USP47: variants seen among roughly 807,000 people sequenced by gnomAD.
USP47 encodes the protein ubiquitin carboxyl-terminal hydrolase 47.
In USP47, 35 loss-of-function variants were observed where a neutral mutation model predicts 165.1. That is an observed-to-expected ratio of 0.21 (90% CI 0.16 to 0.28). The LOEUF (loss-of-function observed/expected upper bound fraction) is 0.28. Ranked by LOEUF, USP47 falls within the 10% of genes least tolerant of loss-of-function variation. USP47 has a pLI of 1.00. For synonymous variants in USP47, 531 were observed against 544.5 expected (o/e 0.98, Z 0.35); for missense variants, 1,277 against 1,607.4 (o/e 0.79, Z 3.52).
chr11:11,917,926 A>T (rs756206679), intron 8 of USP47, among the ~76,000 whole-genome samples: 53 of 152,188 alleles, frequency 3.5e-4, no homozygotes, highest in Non-Finnish European at 4.3e-4. Flanking sequence ...TGATTTAGGC[A>T]GGAATCTGTA....
chr11:11,960,010 CA>C lies in USP47; in HGVS notation c.*3836del, dbSNP rs1366428368. On this transcript the variant is annotated 3_prime_UTR_variant, in exon 28 of 28. Transcript: ENST00000527733. The stretch of plus-strand genomic sequence containing the variant: ...TGGAGATAAAAATACTCAATGCTTA[CA>C]TTTTTTTCATAACTGTGCCAATTGT... 6.6e-6 allele frequency among the ~76,000 whole-genome samples: 1 copy of C among 152,168 alleles called. No individual in the cohort carries two copies. Among genetic ancestry groups the C allele is most frequent in the Non-Finnish European group, 1.5e-5 (1 of 68,038 alleles).
intron 5 of USP47, among the ~76,000 whole-genome samples, chr11:11,900,294 G>A (rs181833497): frequency 6.6e-6 from 1 of 151,574 alleles, no homozygotes; most frequent in East Asian, 2.0e-4. Context: ...CCAAGTAGCT[G>A]GGACTACAGG....
intron 11 of USP47, among the ~76,000 whole-genome samples, chr11:11,927,960 T>G (rs1365547518): frequency 6.6e-6 from 1 of 152,078 alleles, no homozygotes; most frequent in Non-Finnish European, 1.5e-5. Flanking sequence ...AAAATAGATA[T>G]ATACAATTCT....
intron 1 of USP47, among the ~76,000 whole-genome samples, chr11:11,872,696 A>T (rs1232264062): frequency 2.6e-5 from 4 of 151,502 alleles, no homozygotes; most frequent in African/African-American, 9.8e-5. Context: ...ACAGTGTTGA[A>T]AGATAGTTGC....
rs1368533158 is a variant in USP47, at chr11:11,907,332, AAC to A, written c.969+1790_969+1791del. Among the ~76,000 whole-genome samples, 12 of 152,308 alleles carry A rather than the reference AAC, an allele frequency of 7.9e-5. No homozygotes were observed. The East Asian group carries it at 1.2e-3, about 15-fold the overall frequency. ...TGAAGCAGTATGTGAGCAGGTTTAT[AAC>A]ACACATGCGCTAATAGGGCTTGCGG... On this transcript the variant is annotated intron_variant, in intron 8 of 27. Coordinates refer to ENST00000527733, the MANE Select transcript of USP47 (RefSeq NM_001282659.2).
chr11:11,882,406 C>A (rs1337204934), intron 2 of USP47, among the ~76,000 whole-genome samples: 6 of 152,100 alleles, frequency 3.9e-5, no homozygotes, highest in African/African-American at 1.4e-4. Flanking sequence ...CCCTTAAAAT[C>A]ATATTATGCT....
chr11:11,892,236 C>G (rs1192127430), intron 4 of USP47, 130 bp downstream of exon 4: 1 of 950,346 alleles, frequency 1.1e-6, no homozygotes, highest in Non-Finnish European at 1.5e-6. Context: ...TAGCTAGCAG[C>G]CGCAAAGTTA....
chr11:11,940,127 G>C (rs1378470015), intron 18 of USP47, among the ~76,000 whole-genome samples: 1 of 151,964 alleles, frequency 6.6e-6, no homozygotes, highest in Non-Finnish European at 1.5e-5. Context: ...TTTGGAATCA[G>C]ATCACTCATT....
chr11:11,895,215 A>T (rs1249046471), intron 4 of USP47, among the ~76,000 whole-genome samples: 1 of 152,170 alleles, frequency 6.6e-6, no homozygotes, highest in Non-Finnish European at 1.5e-5. Context: ...TTAAAAAAAT[A>T]TTTTTAGAAG....
intron 1 of USP47, chr11:11,856,954 G>A (rs1298619635): frequency 6.6e-6 from 1 of 152,230 alleles, no homozygotes; most frequent in Non-Finnish European, 1.5e-5. Context: ...GCTAGGCAGT[G>A]ATGACTGTTG....
At chr11:11,843,959 GTCT>G (rs1848287966) in intron 1 of USP47, among the ~76,000 whole-genome samples, 2 of 151,926 alleles carry the variant, frequency 1.3e-5, no homozygotes, top group Non-Finnish European at 2.9e-5. Flanking sequence ...CTCATCTTCA[GTCT>G]TCTTTTTCCC....
rs1847459935 is a variant in USP47, at chr11:11,961,697, A to C, written c.*5522A>C. 1.3e-5 allele frequency among the ~76,000 whole-genome samples: 2 copies of C among 152,242 alleles called. No individual in the cohort carries two copies. The highest frequency in any genetic ancestry group is 4.1e-4 in the South Asian group (2 of 4,830). ...CCACTCTCCTTTTGTCAATTGGGAAAAAATTCCAGAAACTCTGGGAGCCCT... is the reference window on the plus strand; with the variant it reads ...CCACTCTCCTTTTGTCAATTGGGAACAAATTCCAGAAACTCTGGGAGCCCT... On this transcript the variant is annotated 3_prime_UTR_variant, in exon 28 of 28. Transcript: ENST00000527733.
intron 5 of USP47, among the ~76,000 whole-genome samples, chr11:11,898,046 A>G (rs986374532): frequency 2.0e-5 from 3 of 152,064 alleles, no homozygotes; most frequent in Non-Finnish European, 4.4e-5. Context: ...CCACCTCTCA[A>G]TTTAAGTATC....
Position 11,922,793 on chromosome 11 carries a change from A to G in USP47, c.1288A>G (p.Met430Val). Residue 430 changes from methionine (M) to valine (V), a missense_variant, in exon 11 of 28, where the codon ATG becomes GTG. Met to Val is a conservative substitution (Grantham distance 21, BLOSUM62 1). This residue lies in a region of USP47 where 175 missense variants were observed against 295.8 expected (regional missense o/e 0.59). Coordinates refer to ENST00000527733, the MANE Select transcript of USP47 (RefSeq NM_001282659.2). ...TGAAGGTAGTTGTCACAGTGATCAGATGAGCAACGATTTCTCCAATGATGA... is the reference window on the plus strand; with the variant it reads ...TGAAGGTAGTTGTCACAGTGATCAGGTGAGCAACGATTTCTCCAATGATGA... ...ENEGSCHSDQ[M>V]SNDFSNDDGV... The G allele has an allele frequency of 6.2e-7, 1 of 1,611,792 alleles. No individual in the cohort carries two copies. The highest frequency in any genetic ancestry group is 8.5e-7 in the Non-Finnish European group (1 of 1,178,480).
chr11:11,926,979 A>T (rs1854299110), intron 11 of USP47, among the ~76,000 whole-genome samples: 1 of 96,382 alleles, frequency 1.0e-5, no homozygotes, highest in Non-Finnish European at 2.9e-5. Context: ...GTGTTGTTTA[A>T]AACAACTTAC....
At chr11:11,859,510 A>G (rs1277574633) in intron 1 of USP47, among the ~76,000 whole-genome samples, 1 of 152,198 alleles carries the variant, frequency 6.6e-6, no homozygotes, top group Non-Finnish European at 1.5e-5. Flanking sequence ...ATGTATCTAC[A>G]TAGTTTTTCT....
chr11:11,891,842 G>A, intron 3 of USP47, 126 bp from the exon 4 acceptor site: 3 of 1,153,644 alleles, frequency 2.6e-6, no homozygotes, highest in East Asian at 5.4e-5. Context: ...TTTGGAAGGG[G>A]GCATGAGCAC....
chr11:11,877,556 A>T (rs1850517026), intron 1 of USP47, among the ~76,000 whole-genome samples: 1 of 152,230 alleles, frequency 6.6e-6, no homozygotes, highest in Non-Finnish European at 1.5e-5. Context: ...AATTATTTGT[A>T]AAAGTATAAT....
chr11:11,853,419 G>A (rs1416167626), intron 1 of USP47, among the ~76,000 whole-genome samples: 1 of 152,186 alleles, frequency 6.6e-6, no homozygotes, highest in Non-Finnish European at 1.5e-5. Flanking sequence ...TTGTGGAAAA[G>A]TATTTGGCAA....
Sources: allele counts gnomAD v4.1 joint callset (sites outside exome capture counted in the v4.1 genomes callset), GRCh38; gene constraint gnomAD v4.1.1; regional missense constraint gnomAD v4.1.1; transcripts MANE v1.5; gene names NCBI Gene and HGNC (gene_info 2026-07-23, HGNC 2026-07-21).